NELL2: variants seen among roughly 807,000 people sequenced by gnomAD.
NELL2 encodes the protein neural EGFL like 2.
Under a neutral mutation model 109.6 loss-of-function variants are expected in NELL2, and 41 were observed. The ratio of observed to expected loss-of-function variants is 0.37; its 90% CI spans 0.29 to 0.49. The LOEUF is 0.49. Ranked by LOEUF, NELL2 falls within the 20% of genes least tolerant of loss-of-function variation. The probability of loss-of-function intolerance (pLI) is 0.98; values close to 1 mark genes in which losing one functional copy is unlikely to be tolerated. For missense variants in NELL2, 900 were observed against 1,008.3 expected, an observed-to-expected ratio of 0.89 and a Z score of 1.45; for synonymous variants, 355 against 344.7, an observed-to-expected ratio of 1.03 and a Z score of -0.33.
At chr12:44,653,204 G>A (rs1256984860) in intron 13 of NELL2, among the ~76,000 whole-genome samples, 2 of 152,024 alleles carry the variant, frequency 1.3e-5, no homozygotes, top group Non-Finnish European at 2.9e-5. Context: ...TATGTTCCAG[G>A]TATCATACTA....
intron 3 of NELL2, among the ~76,000 whole-genome samples, chr12:44,788,874 C>T (rs1398882790): frequency 6.6e-6 from 1 of 152,010 alleles, no homozygotes; most frequent in East Asian, 1.9e-4. Context: ...TTCGGTGAGG[C>T]CTGTGACTGC....
At chr12:44,817,221 A>G (rs1943383126) in intron 2 of NELL2, among the ~76,000 whole-genome samples, 2 of 152,226 alleles carry the variant, frequency 1.3e-5, no homozygotes, top group Admixed American at 1.3e-4. Flanking sequence ...ACACACTTCC[A>G]AACATTCCCA....
rs541298863 is a variant in NELL2 at position 44,626,745 on chromosome 12, AT to A, written c.1445-15776del. Among the ~76,000 whole-genome samples the A allele has an allele frequency of 3.4e-3, 515 of 152,238 alleles. 4 individuals carry two copies. The highest frequency in any genetic ancestry group is 1.8e-3 in the Non-Finnish European group (124 of 68,004). On this transcript the variant is annotated intron_variant, in intron 13 of 19. Coordinates refer to ENST00000429094, the MANE Select transcript of NELL2 (RefSeq NM_001145108.2). Reference sequence around the variant, plus strand: ...AGAAATTGAGGTTCATTCAGAGTAAATGACATATCCAAGGCCACAGTTAATA... The same window carrying A: ...AGAAATTGAGGTTCATTCAGAGTAAAGACATATCCAAGGCCACAGTTAATA...
intron 9 of NELL2, among the ~76,000 whole-genome samples, chr12:44,747,319 G>C (rs1940426103): frequency 1.3e-5 from 2 of 152,048 alleles, no homozygotes; most frequent in African/African-American, 4.8e-5. Flanking sequence ...GAAGGGGGGA[G>C]GGATAGCATT....
chr12:44,811,591 C>T (rs1943182242), intron 3 of NELL2, among the ~76,000 whole-genome samples: 1 of 151,982 alleles, frequency 6.6e-6, no homozygotes, highest in South Asian at 2.1e-4. Flanking sequence ...ATTTATACTC[C>T]TATCGCTTTA....
intron 9 of NELL2, among the ~76,000 whole-genome samples, chr12:44,725,897 G>C (rs1174939222): frequency 6.6e-6 from 1 of 152,038 alleles, no homozygotes; most frequent in African/African-American, 2.4e-5. Context: ...ATAACTATTG[G>C]GTACTGGGTT....
chr12:44,701,140 C>T (rs960529323), intron 12 of NELL2, among the ~76,000 whole-genome samples: 1 of 151,910 alleles, frequency 6.6e-6, no homozygotes, highest in African/African-American at 2.4e-5. Context: ...GTCAAAACAT[C>T]CTCAAAGTTA....
At chr12:44,751,360 TC>T (rs1940643152) in intron 9 of NELL2, among the ~76,000 whole-genome samples, 1 of 152,204 alleles carries the variant, frequency 6.6e-6, no homozygotes, top group Admixed American at 6.5e-5. Flanking sequence ...AGGGAGTGGC[TC>T]AGGTGCTGGA....
Position 44,607,217 on chromosome 12 carries a change from T to TAG in NELL2, c.1613_1614dup (p.Asn539LeufsTer240). 6.2e-7 allele frequency: 1 copy of TAG among 1,612,856 alleles called. No homozygotes were observed. Among genetic ancestry groups the TAG allele is most frequent in the Non-Finnish European group, 8.5e-7 (1 of 1,179,226 alleles). The stretch of plus-strand genomic sequence containing the variant: ...AAGCCTTGTGGGCAGGCACACACAT[T>TAG]AGCGGCAATACAGGCTCCTCCATTC... On this transcript the variant is annotated frameshift_variant, in exon 15 of 20. Coordinates refer to ENST00000429094, the MANE Select transcript of NELL2 (RefSeq NM_001145108.2). LOFTEE classifies it high-confidence loss of function.
At chr12:44,593,080 A>G (rs1289182781) in intron 15 of NELL2, among the ~76,000 whole-genome samples, 1 of 152,214 alleles carries the variant, frequency 6.6e-6, no homozygotes, top group African/African-American at 2.4e-5. Context: ...CAGTATAAAA[A>G]AGAAAAGCAT....
At chr12:44,823,831 T>C (rs1378683492) in intron 2 of NELL2, among the ~76,000 whole-genome samples, 1 of 152,244 alleles carries the variant, frequency 6.6e-6, no homozygotes, top group African/African-American at 2.4e-5. Context: ...TCATAATGGC[T>C]GTACCAATTT....
In NELL2 at chr12:44,754,409, T is replaced by A. The variant is rs1459006305; in HGVS notation, c.994+20338A>T. 2.0e-5 allele frequency among the ~76,000 whole-genome samples: 3 copies of A among 152,188 alleles called. No homozygotes were observed. The East Asian group carries it at 5.8e-4, about 29-fold the overall frequency. On this transcript the variant is annotated intron_variant, in intron 9 of 19. Coordinates refer to ENST00000429094, the MANE Select transcript of NELL2 (RefSeq NM_001145108.2). ...CCCTTTTGTTTCTCTGTTACCTAAA[T>A]GGAAATGTTAGAATCATCATCAGCT...
intron 15 of NELL2, among the ~76,000 whole-genome samples, chr12:44,603,566 C>T (rs1434887431): frequency 6.6e-6 from 1 of 152,160 alleles, no homozygotes; most frequent in African/African-American, 2.4e-5. Context: ...AAGAAATAAT[C>T]ACCCTGCTAA....
At chr12:44,722,055 T>A (rs1938803343) in intron 9 of NELL2, among the ~76,000 whole-genome samples, 1 of 152,104 alleles carries the variant, frequency 6.6e-6, no homozygotes, top group African/African-American at 2.4e-5. Context: ...CAGAAAAATT[T>A]GATAGCATAC....
chr12:44,522,236 C>T (rs778660242), intron 17 of NELL2, 60 bp from the exon 18 acceptor site: 42 of 1,305,056 alleles, frequency 3.2e-5, no homozygotes, highest in Non-Finnish European at 3.9e-5. Flanking sequence ...AACACGCACA[C>T]ACACACACGC....
At chr12:44,602,537 A>G (rs1220597524) in intron 15 of NELL2, among the ~76,000 whole-genome samples, 1 of 152,194 alleles carries the variant, frequency 6.6e-6, no homozygotes, top group Non-Finnish European at 1.5e-5. Context: ...CTTATTGGAA[A>G]AGCAGATGTA....
chr12:44,541,646 T>TTAA (rs888346401), intron 15 of NELL2, among the ~76,000 whole-genome samples: 1 of 152,022 alleles, frequency 6.6e-6, no homozygotes, highest in African/African-American at 2.4e-5. Context: ...AAAAATATCT[T>TTAA]TAATAATAAT....
intron 15 of NELL2, among the ~76,000 whole-genome samples, chr12:44,563,610 T>A (rs1347677889): frequency 6.6e-6 from 1 of 152,196 alleles, no homozygotes; most frequent in Non-Finnish European, 1.5e-5. Context: ...AATTACAAGA[T>A]AAGAAACCCA....
chr12:44,557,639 G>A lies in NELL2; in HGVS notation c.1664-24918C>T, dbSNP rs557129950. Among the ~76,000 whole-genome samples the A allele has an allele frequency of 3.9e-5, 6 of 152,288 alleles. No homozygotes were observed. In the South Asian group the frequency reaches 6.2e-4, roughly 16 times the overall value. The stretch of plus-strand genomic sequence containing the variant: ...TACGTTGAGATTTTAGTGTTTGTGA[G>A]AAATCTGGGTAAATATGTTGAATTG... On this transcript the variant is annotated intron_variant, in intron 15 of 19. Transcript: ENST00000429094.
Sources: gnomAD v4.1 joint callset for allele counts (sites outside exome capture counted in the v4.1 genomes callset) on GRCh38, gnomAD v4.1.1 for gene constraint, MANE v1.5 for transcripts, NCBI Gene and HGNC (gene_info 2026-07-23, HGNC 2026-07-21) for gene names.